MDGA2: variants seen among roughly 807,000 people sequenced by gnomAD.
MDGA2 encodes MAM domain containing glycosylphosphatidylinositol anchor 2, also known as MAM domain-containing glycosylphosphatidylinositol anchor protein 2.
A neutral mutation model predicts 117.8 loss-of-function variants in MDGA2; 40 were observed. The ratio of observed to expected loss-of-function variants is 0.34; its 90% CI spans 0.26 to 0.44. The LOEUF (loss-of-function observed/expected upper bound fraction) is 0.44. Ranked by LOEUF, MDGA2 falls within the 20% of genes least tolerant of loss-of-function variation. The probability of loss-of-function intolerance (pLI) is 1.00; values close to 1 mark genes in which losing one functional copy is unlikely to be tolerated. For missense variants in MDGA2, 1,123 were observed against 1,250.6 expected (o/e 0.90, Z 1.54); for synonymous variants, 452 against 439.0 (o/e 1.03, Z -0.37).
chr14:47,619,138 C>T (rs1897001618), intron 1 of MDGA2, among the ~76,000 whole-genome samples: 1 of 132,852 alleles, frequency 7.5e-6, no homozygotes. Flanking sequence ...CACACACACA[C>T]ACACACACAC....
At chr14:47,614,047 A>C (rs1896902143) in intron 1 of MDGA2, among the ~76,000 whole-genome samples, 1 of 150,132 alleles carries the variant, frequency 6.7e-6, no homozygotes, top group Non-Finnish European at 1.5e-5. Flanking sequence ...CCCATAAAAA[A>C]TGTTGTTTAA....
chr14:47,061,596 C>CAT lies in MDGA2; in HGVS notation c.1196-20_1196-19dup. The CAT allele has an allele frequency of 6.3e-7, 1 of 1,584,826 alleles. No individual in the cohort carries two copies. The highest frequency in any genetic ancestry group is 1.1e-5 in the South Asian group (1 of 88,492). ...TTTTAATGCTACAACATAAAAATTCCATAAGGAGTTAGTGTTACTTTCATA... is the reference window on the plus strand; with the variant it reads ...TTTTAATGCTACAACATAAAAATTCCATATAAGGAGTTAGTGTTACTTTCATA... On this transcript the variant is annotated intron_variant, in intron 6 of 16. Coordinates refer to ENST00000399232, the MANE Select transcript of MDGA2 (RefSeq NM_001113498.3).
Position 47,595,258 on chromosome 14 carries a change from G to A in MDGA2, c.280+79259C>T, listed in dbSNP as rs555966452. Reference sequence around the variant, plus strand: ...TTAGAGAAAAAAAAAAAGAAAAACTGATATACTTTAAGAAATTAGTAATCC... The same window carrying A: ...TTAGAGAAAAAAAAAAAGAAAAACTAATATACTTTAAGAAATTAGTAATCC... On this transcript the variant is annotated intron_variant, in intron 1 of 16. Transcript: ENST00000399232. Among the ~76,000 whole-genome samples the A allele has an allele frequency of 5.9e-5, 9 of 151,710 alleles. No homozygotes were observed. The East Asian group carries it at 1.5e-3, about 26-fold the overall frequency.
chr14:47,369,722 T>C (rs940107078), intron 1 of MDGA2, among the ~76,000 whole-genome samples: 4 of 152,166 alleles, frequency 2.6e-5, no homozygotes, highest in Non-Finnish European at 5.9e-5. Flanking sequence ...GCTTTTCTTT[T>C]AGGAAGTTTA....
chr14:47,562,087 A>G (rs1895827918), intron 1 of MDGA2, among the ~76,000 whole-genome samples: 1 of 152,178 alleles, frequency 6.6e-6, no homozygotes, highest in Non-Finnish European at 1.5e-5. Context: ...CTACTTCATC[A>G]TGGTAGATTA....
chr14:46,925,546 C>A (rs1884294702), intron 9 of MDGA2, among the ~76,000 whole-genome samples: 1 of 146,238 alleles, frequency 6.8e-6, no homozygotes, highest in Non-Finnish European at 1.5e-5. Context: ...GCAGGGGAAT[C>A]ACTTGAATAC....
At chr14:47,404,186 CA>C (rs1892213108) in intron 1 of MDGA2, among the ~76,000 whole-genome samples, 1 of 121,554 alleles carries the variant, frequency 8.2e-6, no homozygotes. Flanking sequence ...TCTATAATAC[CA>C]ACCTTTTTTT....
chr14:46,939,675 T>C (rs1884923405), intron 9 of MDGA2, among the ~76,000 whole-genome samples: 2 of 152,216 alleles, frequency 1.3e-5, no homozygotes, highest in African/African-American at 4.8e-5. Flanking sequence ...GGCACCATGC[T>C]AATCAACTTG....
At chr14:46,847,870 C>T (rs1026373628) in intron 15 of MDGA2, among the ~76,000 whole-genome samples, 2 of 151,986 alleles carry the variant, frequency 1.3e-5, no homozygotes, top group Admixed American at 6.6e-5. Context: ...TATGAGCAAA[C>T]TACCTGTGAG....
chr14:47,028,517 T>C (rs970000254), intron 8 of MDGA2, among the ~76,000 whole-genome samples: 39 of 152,178 alleles, frequency 2.6e-4, no homozygotes, highest in Non-Finnish European at 4.0e-4. Context: ...ATCTAATGTG[T>C]GTCTTCAAAA....
intron 1 of MDGA2, among the ~76,000 whole-genome samples, chr14:47,620,191 C>T (rs554654447): frequency 6.6e-6 from 1 of 152,202 alleles, no homozygotes; most frequent in Non-Finnish European, 1.5e-5. Context: ...TCAATGGCAA[C>T]AGAATATTTT....
In MDGA2 at chr14:47,109,480, G is replaced by C. The variant is rs557992641; in HGVS notation, c.926-12357C>G. On this transcript the variant is annotated intron_variant, in intron 5 of 16. Transcript: ENST00000399232. Reference sequence around the variant, plus strand: ...TTCACTGTGAGATATTTAGGAGTAGGACATCAGAGTAAAAAGGGTAGTGTT... The same window carrying C: ...TTCACTGTGAGATATTTAGGAGTAGCACATCAGAGTAAAAAGGGTAGTGTT... Among the ~76,000 whole-genome samples the C allele has an allele frequency of 1.0e-3, 154 of 152,224 alleles. 1 individual carries two copies. The highest frequency in any genetic ancestry group is 3.3e-3 in the African/African-American group (136 of 41,520).
chr14:46,874,201 C>T lies in MDGA2; in HGVS notation c.2438-1G>A. Reference sequence around the variant, plus strand: ...TCTTCAAATCCACAATGAAATTCTCCTGTTGGTAAATTTTAATTAAATTAA... The same window carrying T: ...TCTTCAAATCCACAATGAAATTCTCTTGTTGGTAAATTTTAATTAAATTAA... On this transcript the variant is annotated splice_acceptor_variant, in intron 12 of 16. Transcript: ENST00000399232. LOFTEE classifies it high-confidence loss of function. 1 of 1,395,034 alleles carries T rather than the reference C, an allele frequency of 7.2e-7. No homozygotes were observed. Among genetic ancestry groups the T allele is most frequent in the Non-Finnish European group, 9.4e-7 (1 of 1,060,332 alleles). 86.4% of individuals were successfully genotyped at this position (1,395,034 alleles called of 1,614,324 possible).
At chr14:47,647,211 G>A (rs999717277) in intron 1 of MDGA2, among the ~76,000 whole-genome samples, 1 of 151,968 alleles carries the variant, frequency 6.6e-6, no homozygotes, top group African/African-American at 2.4e-5. Context: ...GCATATTTTA[G>A]GTCTGCTCAA....
At chr14:47,092,275 T>C (rs764977205) in intron 6 of MDGA2, among the ~76,000 whole-genome samples, 3 of 152,152 alleles carry the variant, frequency 2.0e-5, no homozygotes, top group Admixed American at 6.6e-5. Context: ...GTAAGAAAAT[T>C]TGAAAATTCC....
Position 47,481,053 on chromosome 14 carries a change from A to C in MDGA2, c.281-179503T>G, listed in dbSNP as rs560993927. 2.6e-5 allele frequency among the ~76,000 whole-genome samples: 4 copies of C among 152,130 alleles called. No homozygotes were observed. The South Asian group carries it at 8.3e-4, about 31-fold the overall frequency. On this transcript the variant is annotated intron_variant, in intron 1 of 16. Coordinates refer to ENST00000399232, the MANE Select transcript of MDGA2 (RefSeq NM_001113498.3). ...AACAGGCTAACACTTAAGAACAAGT[A>C]ATATCGCTAAACAGTACATAAATAA...
intron 7 of MDGA2, among the ~76,000 whole-genome samples, chr14:47,037,700 C>T (rs1259909696): frequency 6.6e-6 from 1 of 152,002 alleles, no homozygotes; most frequent in East Asian, 1.9e-4. Flanking sequence ...AAATAAATAC[C>T]TCAATCATCT....
intron 1 of MDGA2, among the ~76,000 whole-genome samples, chr14:47,618,573 T>C (rs964255133): frequency 6.6e-6 from 1 of 152,232 alleles, no homozygotes; most frequent in African/African-American, 2.4e-5. Flanking sequence ...AAGAAGGCAC[T>C]GTATGTCGCT....
At chr14:47,588,718 G>A (rs183030517) in intron 1 of MDGA2, among the ~76,000 whole-genome samples, 58 of 151,906 alleles carry the variant, frequency 3.8e-4, no homozygotes, top group African/African-American at 1.3e-3. Flanking sequence ...AAGCACAAAT[G>A]GTTCAATTCT....
Sources: gnomAD v4.1 joint callset for allele counts (sites outside exome capture counted in the v4.1 genomes callset) on GRCh38, gnomAD v4.1.1 for gene constraint, MANE v1.5 for transcripts, NCBI Gene and HGNC (gene_info 2026-07-23, HGNC 2026-07-21) for gene names.